Variants in POM121C observed in about 807,000 individuals in gnomAD.
POM121C encodes the protein nuclear envelope pore membrane protein POM 121C.
POM121C carries 20 observed loss-of-function variants against 66.4 expected under a neutral mutation model. That is an observed-to-expected ratio of 0.30 (90% CI 0.21 to 0.44). The LOEUF (loss-of-function observed/expected upper bound fraction) is 0.44. Ranked by LOEUF, POM121C falls within the 20% of genes least tolerant of loss-of-function variation. The pLI is 1.00. For synonymous variants in POM121C, 286 were observed against 528.0 expected (o/e 0.54, Z 6.28); for missense variants, 580 against 1,225.7 (o/e 0.47, Z 7.87).
At chr7:75,434,433 C>A (rs1554472815) in intron 7 of POM121C, among the ~76,000 whole-genome samples, 1 of 151,890 alleles carries the variant, frequency 6.6e-6, no homozygotes, top group Non-Finnish European at 1.5e-5. Context: ...CGCCACCACA[C>A]CTGGTTAAAT....
intron 3 of POM121C, among the ~76,000 whole-genome samples, chr7:75,447,375 A>G (rs1387427617): frequency 2.7e-5 from 4 of 149,452 alleles, no homozygotes; most frequent in Non-Finnish European, 4.4e-5. Context: ...AACAAATCAC[A>G]TAATCAAATT....
chr7:75,419,751 C>A, intron 13 of POM121C: 2 of 356,888 alleles, frequency 5.6e-6, no homozygotes, highest in Non-Finnish European at 1.0e-5. Flanking sequence ...CCCCCGCCTC[C>A]TAGCGTACCT....
intron 7 of POM121C, among the ~76,000 whole-genome samples, chr7:75,431,494 T>C (rs1260794163): frequency 6.7e-6 from 1 of 148,984 alleles, no homozygotes; most frequent in African/African-American, 2.5e-5. Context: ...TCCCAGCTAC[T>C]CGGGAGGCTG....
At chr7:75,473,101 G>A (rs1554478875) in intron 3 of POM121C, among the ~76,000 whole-genome samples, 2 of 152,176 alleles carry the variant, frequency 1.3e-5, no homozygotes, top group African/African-American at 4.8e-5. Flanking sequence ...AAGGTAGACA[G>A]AATTCATGAT....
At chr7:75,478,640 A>T (rs1418252323) in intron 1 of POM121C, among the ~76,000 whole-genome samples, 1 of 151,712 alleles carries the variant, frequency 6.6e-6, no homozygotes, top group Non-Finnish European at 1.5e-5. Flanking sequence ...GATGAAAATT[A>T]TACTGGAAAA....
intron 3 of POM121C, among the ~76,000 whole-genome samples, chr7:75,467,000 C>T (rs1209763211): frequency 2.0e-5 from 3 of 152,198 alleles, no homozygotes; most frequent in South Asian, 2.1e-4. Flanking sequence ...CATCAGAGAA[C>T]GAGCTAAATC....
intron 7 of POM121C, among the ~76,000 whole-genome samples, chr7:75,435,480 AAAC>A (rs1327581888): frequency 6.6e-6 from 1 of 152,264 alleles, no homozygotes; most frequent in Non-Finnish European, 1.5e-5. Flanking sequence ...TATTTTTTTC[AAAC>A]AACAAGTATT....
At chr7:75,438,182 TA>T (rs1554473271) in intron 6 of POM121C, among the ~76,000 whole-genome samples, 1 of 152,228 alleles carries the variant, frequency 6.6e-6, no homozygotes, top group East Asian at 1.9e-4. Context: ...AGAAATCTCC[TA>T]TGCATCTTTC....
At chr7:75,424,697 G>A (rs111437050) in intron 10 of POM121C, 69 bp from the exon 11 acceptor site, 9 of 1,586,588 alleles carry the variant, frequency 5.7e-6, no homozygotes, top group Non-Finnish European at 7.8e-6. Flanking sequence ...GGTGGCTAAC[G>A]CCGGTAATCT....
intron 3 of POM121C, among the ~76,000 whole-genome samples, chr7:75,461,911 T>C (rs1410278838): frequency 6.7e-6 from 1 of 149,796 alleles, no homozygotes. Flanking sequence ...TATGTAAAAG[T>C]GAAAATATAA....
chr7:75,467,479 C>A (rs1281021207), intron 3 of POM121C, among the ~76,000 whole-genome samples: 1 of 141,112 alleles, frequency 7.1e-6, no homozygotes, highest in Non-Finnish European at 1.5e-5. Flanking sequence ...TTGCAGTGAG[C>A]CGAGAATGCG....
intron 14 of POM121C, among the ~76,000 whole-genome samples, 158 bp downstream of exon 14, chr7:75,419,162 C>A (rs1160322133): frequency 6.6e-6 from 1 of 152,196 alleles, no homozygotes; most frequent in Non-Finnish European, 1.5e-5. Flanking sequence ...TCTCTGCCAT[C>A]CAACTCCCAT....
chr7:75,441,500 G>C lies in POM121C; in HGVS notation c.-4C>G. 6.2e-7 allele frequency: 1 copy of C among 1,613,874 alleles called. No individual in the cohort carries two copies. The highest frequency in any genetic ancestry group is 1.3e-5 in the African/African-American group (1 of 75,022). On this transcript the variant is annotated 5_prime_UTR_variant, in exon 4 of 15. Transcript: ENST00000615331. ...CAGTCACTGGGCTACACACCATCCTGGAGTTGCGAGGGGACAGCACAGCCT... is the reference window on the plus strand; with the variant it reads ...CAGTCACTGGGCTACACACCATCCTCGAGTTGCGAGGGGACAGCACAGCCT...
At chr7:75,433,234 C>CA (rs782004307) in intron 7 of POM121C, among the ~76,000 whole-genome samples, 4,683 of 44,210 alleles carry the variant, frequency 0.11, 1,296 homozygotes, top group Non-Finnish European at 0.15. Context: ...GACTCTGTCT[C>CA]AAAAAAAAAA....
intron 2 of POM121C, 47 bp from the exon 3 acceptor site, chr7:75,474,929 C>G: frequency 9.2e-7 from 1 of 1,081,954 alleles, no homozygotes; most frequent in East Asian, 2.4e-5. Flanking sequence ...AAGTTAGAAC[C>G]TTTCAATGAA....
intron 1 of POM121C, among the ~76,000 whole-genome samples, chr7:75,483,944 T>C (rs782298261): frequency 6.6e-6 from 1 of 151,818 alleles, no homozygotes; most frequent in Non-Finnish European, 1.5e-5. Flanking sequence ...CTTCTAAAAA[T>C]ACAAAAAATT....
chr7:75,481,569 A>G (rs1291180370), intron 1 of POM121C, among the ~76,000 whole-genome samples: 1 of 152,210 alleles, frequency 6.6e-6, no homozygotes, highest in African/African-American at 2.4e-5. Context: ...GTGGTGGCTC[A>G]TGCCTATAAT....
chr7:75,486,157 C>A lies in POM121C; in HGVS notation c.-751G>T. ...CTACCCGGCCCGCGCGAACCCTGGG[C>A]CGCACAGCTCCCGCCCGCCTAGGTG... On this transcript the variant is annotated 5_prime_UTR_variant, in exon 1 of 15. Coordinates refer to ENST00000615331, the MANE Select transcript of POM121C (RefSeq NM_001099415.3). 6.2e-6 allele frequency: 2 copies of A among 324,920 alleles called. No individual in the cohort carries two copies. Among genetic ancestry groups the A allele is most frequent in the South Asian group, 2.2e-5 (1 of 44,484 alleles). The allele number at this position is 324,920 out of a possible 1,614,324, so 20.1% of individuals were successfully genotyped here. A position where few individuals can be genotyped will look rare whatever the true frequency, so the allele number is the denominator to read the frequency against.
rs1239029816 is a variant in POM121C, at chr7:75,467,535, A to AAC, written c.-152+7168_-152+7169insGT. Among the ~76,000 whole-genome samples, 9 of 151,082 alleles carry AAC rather than the reference A, an allele frequency of 6.0e-5. No homozygotes were observed. In the East Asian group the frequency reaches 1.8e-3, roughly 29 times the overall value. On this transcript the variant is annotated intron_variant, in intron 3 of 14. Coordinates refer to ENST00000615331, the MANE Select transcript of POM121C (RefSeq NM_001099415.3). ...CGACAGAGCGAGATTCTGTCTCAAAAAAAAAAAAAAAAAAAAAAAATGTAA... is the reference window on the plus strand; with the variant it reads ...CGACAGAGCGAGATTCTGTCTCAAAAACAAAAAAAAAAAAAAAAAAAATGTAA...
Sources: allele counts gnomAD v4.1 joint callset (sites outside exome capture counted in the v4.1 genomes callset), GRCh38; gene constraint gnomAD v4.1.1; transcripts MANE v1.5; gene names NCBI Gene and HGNC (gene_info 2026-07-23, HGNC 2026-07-21).